The following GPC5 variants were observed in gnomAD, a reference collection of about 807,000 sequenced individuals.
GPC5 encodes the protein glypican-5.
GPC5 carries 47 observed loss-of-function variants against 53.9 expected under a neutral mutation model. The ratio of observed to expected loss-of-function variants is 0.87; its 90% confidence interval spans 0.69 to 1.11. GPC5 has a LOEUF of 1.11. GPC5 is among the 50% of genes most tolerant of loss of function. The probability of loss-of-function intolerance (pLI) is 0.00; values close to 1 mark genes in which losing one functional copy is unlikely to be tolerated. For missense variants in GPC5, 748 were observed against 713.1 expected (o/e 1.05, Z -0.56); for synonymous variants, 286 against 263.3 (o/e 1.09, Z -0.84).
intron 7 of GPC5, among the ~76,000 whole-genome samples, chr13:92,544,147 C>T (rs904967396): frequency 4.0e-5 from 6 of 151,886 alleles, no homozygotes; most frequent in African/African-American, 1.5e-4. Flanking sequence ...GATTTGTAAC[C>T]TCAGTTTTCC....
chr13:92,177,291 T>A (rs2042115586), intron 7 of GPC5, among the ~76,000 whole-genome samples: 1 of 152,180 alleles, frequency 6.6e-6, no homozygotes, highest in Non-Finnish European at 1.5e-5. Context: ...TTTCATCATA[T>A]CTGCTGGGCT....
At chr13:91,907,461 A>G (rs1408802532) in intron 5 of GPC5, among the ~76,000 whole-genome samples, 1 of 142,878 alleles carries the variant, frequency 7.0e-6, no homozygotes, top group Admixed American at 7.2e-5. Context: ...ATACTACTAT[A>G]TAATATAGAT....
At chr13:92,770,510 A>G (rs1452483288) in intron 7 of GPC5, among the ~76,000 whole-genome samples, 2 of 151,500 alleles carry the variant, frequency 1.3e-5, no homozygotes, top group African/African-American at 4.9e-5. Context: ...CTGTATCACT[A>G]TGTCTTATAT....
intron 2 of GPC5, among the ~76,000 whole-genome samples, chr13:91,683,511 C>A (rs1299676570): frequency 6.6e-6 from 1 of 152,204 alleles, no homozygotes; most frequent in African/African-American, 2.4e-5. Flanking sequence ...GCTCCCCTGG[C>A]AAATCCTCTT....
Position 92,582,121 on chromosome 13 carries a change from C to A in GPC5, c.1562-284161C>A, listed in dbSNP as rs149177707. On this transcript the variant is annotated intron_variant, in intron 7 of 7. Coordinates refer to ENST00000377067, the MANE Select transcript of GPC5 (RefSeq NM_004466.6). ...CCAAATCTAAAAAAATTATTGCCTA[C>A]ATCAATGTCATATAGTTTTGCCCCT... is the stretch of plus-strand genomic sequence containing the variant. 5.4e-3 allele frequency among the ~76,000 whole-genome samples: 828 copies of A among 152,170 alleles called. 3 individuals carry two copies. The highest frequency in any genetic ancestry group is 6.8e-3 in the Middle Eastern group (2 of 294).
intron 7 of GPC5, among the ~76,000 whole-genome samples, chr13:92,173,971 G>A (rs1413729342): frequency 6.6e-6 from 1 of 151,950 alleles, no homozygotes; most frequent in Non-Finnish European, 1.5e-5. Flanking sequence ...TGGGTGTGGT[G>A]GCACCCACCT....
chr13:91,952,084 T>C (rs1452489488), intron 6 of GPC5, among the ~76,000 whole-genome samples: 1 of 152,114 alleles, frequency 6.6e-6, no homozygotes, highest in African/African-American at 2.4e-5. Flanking sequence ...GTAACGACTT[T>C]TGAATGTCTC....
At chr13:92,819,241 C>G (rs1377722753) in intron 7 of GPC5, among the ~76,000 whole-genome samples, 1 of 151,292 alleles carries the variant, frequency 6.6e-6, no homozygotes, top group Non-Finnish European at 1.5e-5. Flanking sequence ...ATTTCCTTCT[C>G]ATTTCTATGT....
chr13:92,227,252 C>T (rs1284454857), intron 7 of GPC5, among the ~76,000 whole-genome samples: 2 of 152,260 alleles, frequency 1.3e-5, no homozygotes, highest in African/African-American at 2.4e-5. Flanking sequence ...TTTCCAGGCC[C>T]CTTTCTTTGC....
chr13:91,652,731 A>T (rs927854488), intron 2 of GPC5, among the ~76,000 whole-genome samples: 1 of 152,214 alleles, frequency 6.6e-6, no homozygotes, highest in Non-Finnish European at 1.5e-5. Flanking sequence ...TGGTAACTGA[A>T]ACCACAGAAC....
Position 91,790,210 on chromosome 13 carries a change from A to G in GPC5, c.1280+33790A>G, listed in dbSNP as rs193256097. Among the ~76,000 whole-genome samples the G allele has an allele frequency of 1.5e-3, 233 of 152,230 alleles. 1 individual carries two copies. The Middle Eastern group carries it at 0.037, about 24-fold the overall frequency. On this transcript the variant is annotated intron_variant, in intron 5 of 7. Transcript: ENST00000377067. ...TGAGGTGATATTTCATTGTGGTTTA[A>G]TTTTCATTTCTCAGATTGTTAGTTA...
intron 7 of GPC5, among the ~76,000 whole-genome samples, chr13:92,480,264 C>G (rs2139432059): frequency 6.6e-6 from 1 of 152,226 alleles, no homozygotes; most frequent in Admixed American, 6.5e-5. Flanking sequence ...GCAGAGAGGT[C>G]TTTTTAACAA....
At chr13:92,646,734 T>C (rs1443594794) in intron 7 of GPC5, among the ~76,000 whole-genome samples, 1 of 152,090 alleles carries the variant, frequency 6.6e-6, no homozygotes, top group African/African-American at 2.4e-5. Context: ...CAAATCTTGC[T>C]TATATTTTAC....
intron 2 of GPC5, among the ~76,000 whole-genome samples, chr13:91,559,776 C>T (rs551617880): frequency 6.6e-6 from 1 of 152,046 alleles, no homozygotes; most frequent in African/African-American, 2.4e-5. Context: ...AATGGATGCT[C>T]ATTCTTCTCA....
chr13:91,995,989 G>A (rs2040500297), intron 6 of GPC5: 1 of 152,104 alleles, frequency 6.6e-6, no homozygotes, highest in Non-Finnish European at 1.5e-5. Context: ...CTATTCAGAT[G>A]GAATTATGGG....
intron 4 of GPC5, among the ~76,000 whole-genome samples, chr13:91,752,931 C>T (rs954755767): frequency 1.3e-5 from 2 of 152,200 alleles, no homozygotes; most frequent in African/African-American, 2.4e-5. Flanking sequence ...ATGAGATTTA[C>T]ACCTAGTAAA....
At chr13:92,589,870 A>T (rs1371933909) in intron 7 of GPC5, among the ~76,000 whole-genome samples, 2 of 152,224 alleles carry the variant, frequency 1.3e-5, no homozygotes, top group East Asian at 3.9e-4. Flanking sequence ...AATGATAATC[A>T]CTGGTATTAC....
At chr13:92,430,981 G>C (rs1384488670) in intron 7 of GPC5, among the ~76,000 whole-genome samples, 1 of 152,118 alleles carries the variant, frequency 6.6e-6, no homozygotes, top group Non-Finnish European at 1.5e-5. Flanking sequence ...AATATTTCTA[G>C]ATTAGTAGTC....
At position 91,907,994 on chromosome 13, in the gene GPC5, C is replaced by G; in HGVS notation, c.1338C>G (p.Val446=). 1 of 1,593,910 alleles carries G rather than the reference C, an allele frequency of 6.3e-7. No homozygotes were observed. The highest frequency in any genetic ancestry group is 8.5e-7 in the Non-Finnish European group (1 of 1,177,210). The change falls in exon 6 of 8, where the codon GTC becomes GTG. Residue 446 remains valine, a synonymous_variant. Transcript: ENST00000377067. ...GIKAQSGNPE[V]KVKGIDPVIN... ...AAGCCCAGTCTGGAAATCCTGAAGTCAAAGTCAAAGGAATTGATCCTGTGA... is the reference window on the plus strand; with the variant it reads ...AAGCCCAGTCTGGAAATCCTGAAGTGAAAGTCAAAGGAATTGATCCTGTGA...
Sources: gnomAD v4.1 joint callset for allele counts (sites outside exome capture counted in the v4.1 genomes callset) on GRCh38, gnomAD v4.1.1 for gene constraint, MANE v1.5 for transcripts, NCBI Gene and HGNC (gene_info 2026-07-23, HGNC 2026-07-21) for gene names.